ALS2CL: variants seen among roughly 807,000 people sequenced by gnomAD.
The protein encoded by ALS2CL is ALS2 C-terminal like, also known as ALS2 C-terminal-like protein.
Under a neutral mutation model 127.9 loss-of-function variants are expected in ALS2CL, and 112 were observed. The observed-to-expected ratio is 0.88, with a 90% CI of 0.75 to 1.02. The LOEUF (loss-of-function observed/expected upper bound fraction) is 1.02, where lower values mean the gene tolerates loss of function less well. Ranked by LOEUF, ALS2CL falls within the 50% of genes least tolerant of loss-of-function variation. The pLI, the probability that ALS2CL is intolerant of heterozygous loss-of-function variation, is 0.00. For synonymous variants in ALS2CL, 519 were observed against 527.6 expected, an observed-to-expected ratio of 0.98 and a Z score of 0.22; for missense variants, 1,174 against 1,236.7, an observed-to-expected ratio of 0.95 and a Z score of 0.76.
Position 46,680,515 on chromosome 3 carries a change from T to A in ALS2CL, c.1463A>T (p.Gln488Leu). 6.2e-7 allele frequency: 1 copy of A among 1,613,018 alleles called. No homozygotes were observed. The change falls in exon 14 of 26, where the codon CAG becomes CTG. Residue 488 changes from glutamine to leucine, a missense_variant. Transcript: ENST00000318962. ...CCCTGGGCCGTGGCGCTGACCAGCC[T>A]GCCACATGCCAATGTAGCGCTCACC... ...DRGERYIGMW[Q>L]AGQRHGPGVM... is the part of the protein sequence containing the mutation.
At chr3:46,675,580 T>C (rs1393450054) in intron 20 of ALS2CL, 38 bp downstream of exon 20, 1 of 1,601,610 alleles carries the variant, frequency 6.2e-7, no homozygotes, top group Non-Finnish European at 8.5e-7. Context: ...GAGGCCTCCC[T>C]GGACACGGCA....
In ALS2CL at chr3:46,687,022, G is replaced by C. The variant is rs374844752; in HGVS notation, c.495C>G (p.Tyr165Ter). Residue 165 changes from tyrosine to a stop codon, truncating the protein, a stop_gained, in exon 5 of 26, where the codon TAC (tyrosine) becomes TAG (stop). Transcript: ENST00000318962. LOFTEE classifies it high-confidence loss of function. ...HQPLAHHVQQ[Y>*]VLLLLSLGDT... is the part of the protein sequence containing the mutation. ...CCCCGAGGCTCAGCAGGAGGAGCAC[G>C]TACTGTTGCACGTGATGGGCGAGTG... 2 of 1,605,222 alleles carry C rather than the reference G, an allele frequency of 1.2e-6. No homozygotes were observed. Among genetic ancestry groups the C allele is most frequent in the African/African-American group, 2.7e-5 (2 of 74,830 alleles).
At position 46,673,229 on chromosome 3, in the gene ALS2CL, C is replaced by T. The variant is rs561698665; in HGVS notation, c.2472+110G>A. 2.3e-5 allele frequency: 21 copies of T among 925,112 alleles called. No homozygotes were observed. In the South Asian group the frequency reaches 3.2e-4, roughly 14 times the overall value. The allele number at this position is 925,112 out of a possible 1,614,324, so 57.3% of individuals were successfully genotyped here. On this transcript the variant is annotated intron_variant, in intron 22 of 25. Transcript: ENST00000318962. ...GTGTCTCCTCCCAACCCACCCTGCC[C>T]CTCCCCAGCTCCTCTGCAGCCTCCG...
At chr3:46,676,091 C>G in intron 19 of ALS2CL, 154 bp downstream of exon 19, 1 of 1,380,738 alleles carries the variant, frequency 7.2e-7, no homozygotes, top group Non-Finnish European at 9.6e-7. Context: ...CACCCTCTAA[C>G]CCTTTTGCTC....
chr3:46,674,838 G>C, intron 20 of ALS2CL, 99 bp from the exon 21 acceptor site: 1 of 1,243,582 alleles, frequency 8.0e-7, no homozygotes, highest in Non-Finnish European at 1.1e-6. Flanking sequence ...ACAACAAACA[G>C]TGTCCTGGCC....
intron 19 of ALS2CL, 83 bp from the exon 20 acceptor site, chr3:46,675,769 C>T (rs1575414038): frequency 1.9e-6 from 3 of 1,600,986 alleles, no homozygotes; most frequent in Middle Eastern, 1.7e-4. Context: ...AAGGCAAAAG[C>T]AGGTGGCCTC....
In ALS2CL at chr3:46,681,019, T is replaced by C. The variant is rs1699279683; in HGVS notation, c.1436+227A>G. 3 of 664,448 alleles carry C rather than the reference T, an allele frequency of 4.5e-6. No individual in the cohort carries two copies. Among genetic ancestry groups the C allele is most frequent in the East Asian group, 2.7e-5 (1 of 36,822 alleles). 41.2% of individuals were successfully genotyped at this position (664,448 alleles called of 1,614,324 possible). Reference sequence around the variant, plus strand: ...GACAGAGCAGGGGGTCAGAAATGCCTCTCCAACACCATGAGGAGGGGTGAG... The same window carrying C: ...GACAGAGCAGGGGGTCAGAAATGCCCCTCCAACACCATGAGGAGGGGTGAG... On this transcript the variant is annotated intron_variant, in intron 13 of 25. Transcript: ENST00000318962. The surrounding 1 kb of genome is among the most constrained non-coding windows in gnomAD (Gnocchi z 4.9).
In ALS2CL at chr3:46,686,219, G is replaced by T; in HGVS notation, c.666+89C>A. ...TTCCATATAGGGAAACTGAGGCCCA[G>T]AGAATACAGCAAGCAGCTCAAGCCC... On this transcript the variant is annotated intron_variant, in intron 6 of 25. Coordinates refer to ENST00000318962, the MANE Select transcript of ALS2CL (RefSeq NM_147129.5). This position sits in a 1 kb window ranked among gnomAD's most constrained non-coding sequence, Gnocchi z 4.3. 6.8e-7 allele frequency: 1 copy of T among 1,460,064 alleles called. No homozygotes were observed. Among genetic ancestry groups the T allele is most frequent in the East Asian group, 2.5e-5 (1 of 39,854 alleles). 90.4% of individuals were successfully genotyped at this position (1,460,064 alleles called of 1,614,324 possible).
At chr3:46,685,319 C>G (rs535382474) in intron 7 of ALS2CL, among the ~76,000 whole-genome samples, 2 of 152,270 alleles carry the variant, frequency 1.3e-5, no homozygotes, top group South Asian at 4.2e-4. Flanking sequence ...CGGGACAAAC[C>G]CTGGACAGCC....
In ALS2CL at chr3:46,676,428, A is replaced by T. The variant is rs1698825653; in HGVS notation, c.2029-26T>A. On this transcript the variant is annotated intron_variant, in intron 18 of 25. Coordinates refer to ENST00000318962, the MANE Select transcript of ALS2CL (RefSeq NM_147129.5). Reference sequence around the variant, plus strand: ...CTGGGCCAGTGCATAGGCAACAGAGAGAGACTAAGCACTGGGGTCTGGAGC... The same window carrying T: ...CTGGGCCAGTGCATAGGCAACAGAGTGAGACTAAGCACTGGGGTCTGGAGC... 4 of 1,612,932 alleles carry T rather than the reference A, an allele frequency of 2.5e-6. No homozygotes were observed. In the South Asian group the frequency reaches 3.3e-5, roughly 13 times the overall value.
intron 1 of ALS2CL, among the ~76,000 whole-genome samples, chr3:46,692,652 C>T (rs1180480239): frequency 6.6e-6 from 1 of 152,248 alleles, no homozygotes; most frequent in Non-Finnish European, 1.5e-5. Context: ...TGCCTCACAG[C>T]TGTCCTCAGG....
intron 16 of ALS2CL, chr3:46,677,455 T>C: frequency 1.1e-6 from 1 of 951,346 alleles, no homozygotes; most frequent in South Asian, 4.0e-5. Flanking sequence ...TGGCTGCGCA[T>C]GTCTAATGGA....
chr3:46,683,539 G>A (rs992166481), intron 9 of ALS2CL, among the ~76,000 whole-genome samples: 2 of 152,152 alleles, frequency 1.3e-5, no homozygotes, highest in Non-Finnish European at 2.9e-5. Context: ...CCTGCCCAGA[G>A]GGGCCAAACA....
rs11540631 is a variant in ALS2CL at position 46,669,275 on chromosome 3, C to T, written c.*1709G>A. On this transcript the variant is annotated 3_prime_UTR_variant, in exon 26 of 26. Coordinates refer to ENST00000318962, the MANE Select transcript of ALS2CL (RefSeq NM_147129.5). The stretch of plus-strand genomic sequence containing the variant: ...GTCTTGAACTCTCAGTTTCCAGCAG[C>T]CTTCCTGCCTCAGCCTCCCAAAGTG... 1 of 152,230 alleles carries T rather than the reference C, an allele frequency of 6.6e-6. No individual in the cohort carries two copies. The highest frequency in any genetic ancestry group is 1.5e-5 in the Non-Finnish European group (1 of 68,122). 9.4% of individuals were successfully genotyped at this position (152,230 alleles called of 1,614,324 possible).
intron 13 of ALS2CL, 43 bp from the exon 14 acceptor site, chr3:46,680,584 C>T: frequency 2.5e-6 from 4 of 1,573,862 alleles, no homozygotes; most frequent in Non-Finnish European, 3.5e-6. Context: ...CAGACTCATT[C>T]CCATGTACCT....
intron 22 of ALS2CL, 34 bp downstream of exon 22, chr3:46,673,305 G>C (rs1339695372): frequency 6.4e-7 from 1 of 1,551,906 alleles, no homozygotes; most frequent in Non-Finnish European, 8.7e-7. Flanking sequence ...GACCTCTGGG[G>C]GCCCCTGGCT....
chr3:46,683,028 G>A (rs757853946), intron 10 of ALS2CL, 102 bp downstream of exon 10: 158 of 1,256,072 alleles, frequency 1.3e-4, no homozygotes, highest in Non-Finnish European at 1.5e-4. Context: ...GAGAGTAACC[G>A]CTCCTGGAAC....
chr3:46,690,945 A>T (rs7618797), intron 1 of ALS2CL, among the ~76,000 whole-genome samples: 1 of 152,362 alleles, frequency 6.6e-6, no homozygotes, highest in South Asian at 2.1e-4. Context: ...CCAAAGGCCC[A>T]GGCCAGGCAT....
intron 1 of ALS2CL, among the ~76,000 whole-genome samples, chr3:46,691,369 C>T (rs1207276831): frequency 6.6e-6 from 1 of 152,102 alleles, no homozygotes; most frequent in Non-Finnish European, 1.5e-5. Context: ...CAGATCAGTG[C>T]ACGTTGAAAA....
Sources: gnomAD v4.1 joint callset for allele counts (sites outside exome capture counted in the v4.1 genomes callset) on GRCh38, gnomAD v4.1.1 for gene constraint, Gnocchi (gnomAD v3.1) non-coding constraint, MANE v1.5 for transcripts, NCBI Gene and HGNC (gene_info 2026-07-23, HGNC 2026-07-21) for gene names.